Variants in SLC24A2 observed in about 807,000 individuals in gnomAD.
The protein encoded by SLC24A2 is sodium/potassium/calcium exchanger 2.
A neutral mutation model predicts 62.0 loss-of-function variants in SLC24A2; 36 were observed. The observed-to-expected ratio is 0.58, with a 90% CI of 0.44 to 0.77. The LOEUF is 0.77. Among genes scored for constraint, SLC24A2 ranks in the 30% least tolerant of loss-of-function variants. The pLI is 0.00. For missense variants in SLC24A2, 846 were observed against 817.9 expected (o/e 1.03, Z -0.42); for synonymous variants, 358 against 294.0 (o/e 1.22, Z -2.23).
the SLC24A2 span, among the ~76,000 whole-genome samples, chr9:19,889,362 A>G: frequency 3.0e-5 from 4 of 133,496 alleles, no homozygotes; most frequent in Non-Finnish European, 4.8e-5. Context: ...GGTGTTCCAT[A>G]AATTGTAATT....
upstream of SLC24A2, among the ~76,000 whole-genome samples, chr9:19,789,731 C>A (rs1226746416): frequency 1.3e-5 from 2 of 152,108 alleles, no homozygotes; most frequent in East Asian, 3.9e-4. Flanking sequence ...GAATCTGGGC[C>A]AAAGAATGGA....
chr9:19,657,527 T>C (rs1818975820), intron 2 of SLC24A2, among the ~76,000 whole-genome samples: 1 of 152,148 alleles, frequency 6.6e-6, no homozygotes, highest in Non-Finnish European at 1.5e-5. Flanking sequence ...TTTGTCCTAA[T>C]GCGCTCCCTC....
chr9:20,005,908 A>T, the SLC24A2 span, among the ~76,000 whole-genome samples: 2,482 of 151,334 alleles, frequency 0.016, 50 homozygotes, highest in African/African-American at 0.056. Context: ...TATTTGTCAT[A>T]TGAAAATAAC....
At chr9:19,733,568 T>G (rs372870374) in intron 2 of SLC24A2, among the ~76,000 whole-genome samples, 11 of 152,182 alleles carry the variant, frequency 7.2e-5, no homozygotes, top group East Asian at 5.8e-4. Context: ...TGCACAGGTG[T>G]TCAGGAAGCA....
chr9:19,626,112 A>G (rs1818028480), intron 2 of SLC24A2, among the ~76,000 whole-genome samples: 1 of 152,222 alleles, frequency 6.6e-6, no homozygotes, highest in East Asian at 1.9e-4. Context: ...GATGCTATAA[A>G]TCAGTCCCAA....
At chr9:20,048,682 C>G in the SLC24A2 span, among the ~76,000 whole-genome samples, 10 of 151,676 alleles carry the variant, frequency 6.6e-5, no homozygotes, top group African/African-American at 1.9e-4. Flanking sequence ...GGGGAAATAC[C>G]GATTCATTCA....
chr9:20,106,812 C>A, the SLC24A2 span, among the ~76,000 whole-genome samples: 1 of 152,084 alleles, frequency 6.6e-6, no homozygotes, highest in Non-Finnish European at 1.5e-5. Context: ...CCTCTCTCAC[C>A]ACTCCTATTC....
the SLC24A2 span, among the ~76,000 whole-genome samples, chr9:20,070,364 G>A: frequency 6.6e-6 from 1 of 152,190 alleles, no homozygotes; most frequent in Non-Finnish European, 1.5e-5. Context: ...GCTGGCAATT[G>A]TACAAGTATT....
intron 7 of SLC24A2, among the ~76,000 whole-genome samples, chr9:19,555,289 A>T (rs1337486633): frequency 1.3e-5 from 2 of 152,228 alleles, no homozygotes; most frequent in Admixed American, 6.5e-5. Context: ...ACAGCTCTCA[A>T]ATCTCAGCAC....
chr9:20,196,878 T>A, the SLC24A2 span, among the ~76,000 whole-genome samples: 9 of 152,244 alleles, frequency 5.9e-5, no homozygotes, highest in African/African-American at 2.2e-4. Context: ...ATTCTTTCAA[T>A]TCCTTTGTCC....
In SLC24A2 at chr9:19,650,822, A is replaced by AGTGTGTGTGTGT. The variant is rs61576823; in HGVS notation, c.931-28535_931-28524dup. Among the ~76,000 whole-genome samples, 748 of 149,190 alleles carry AGTGTGTGTGTGT rather than the reference A, an allele frequency of 5.0e-3. 2 individuals carry two copies. The highest frequency in any genetic ancestry group is 0.017 in the African/African-American group (686 of 40,472). Reference sequence around the variant, plus strand: ...ACAGGCATTGTAAACATCAGCTTCTAGTGTGTGTGTGTGTGTGTGTGTGTG... The same window carrying AGTGTGTGTGTGT: ...ACAGGCATTGTAAACATCAGCTTCTAGTGTGTGTGTGTGTGTGTGTGTGTGTGTGTGTGTGTG... On this transcript the variant is annotated intron_variant, in intron 2 of 10. Transcript: ENST00000341998.
At chr9:20,205,649 TAAAAAAAA>T in the SLC24A2 span, among the ~76,000 whole-genome samples, 2 of 65,306 alleles carry the variant, frequency 3.1e-5, no homozygotes, top group African/African-American at 1.3e-4. Flanking sequence ...AGACTCCATC[TAAAAAAAA>T]AAAAAAAAAA....
the SLC24A2 span, among the ~76,000 whole-genome samples, chr9:20,051,113 A>G: frequency 2.0e-5 from 3 of 152,162 alleles, no homozygotes; most frequent in Admixed American, 6.5e-5. Context: ...AAAACACAAG[A>G]TTCAACAATA....
At chr9:20,000,925 A>T in the SLC24A2 span, among the ~76,000 whole-genome samples, 1 of 152,144 alleles carries the variant, frequency 6.6e-6, no homozygotes, top group African/African-American at 2.4e-5. Flanking sequence ...ACTTGGAATT[A>T]TTGCTTTTTA....
At chr9:20,132,852 T>C in the SLC24A2 span, among the ~76,000 whole-genome samples, 3 of 152,164 alleles carry the variant, frequency 2.0e-5, no homozygotes, top group Non-Finnish European at 4.4e-5. Flanking sequence ...TACTTTTAGT[T>C]TGTAGTATGT....
the SLC24A2 span, among the ~76,000 whole-genome samples, chr9:19,859,256 AAAT>A: frequency 6.6e-6 from 1 of 152,226 alleles, no homozygotes; most frequent in East Asian, 1.9e-4. Context: ...ACAGAAAAAT[AAAT>A]ACTGAATGTT....
chr9:19,981,820 T>C, the SLC24A2 span, among the ~76,000 whole-genome samples: 1 of 152,160 alleles, frequency 6.6e-6, no homozygotes, highest in Non-Finnish European at 1.5e-5. Flanking sequence ...TTTAAGTCTC[T>C]GCTTGCATGG....
chr9:19,786,699 G>A lies in SLC24A2; in HGVS notation c.168C>T (p.Ile56=), dbSNP rs1467615045. ...GTGTATCTGTCTCAGAAAAGGCACTGATTGAAAATGAGACAGTGCTAATGG... is the reference window on the plus strand; with the variant it reads ...GTGTATCTGTCTCAGAAAAGGCACTAATTGAAAATGAGACAGTGCTAATGG... ...LVAISTVSFS[I]SAFSETDTQS... The change falls in exon 2 of 11, where the codon ATC becomes ATT. Residue 56 remains isoleucine, a synonymous_variant. Transcript: ENST00000341998. This position sits in a 1 kb window ranked among gnomAD's most constrained non-coding sequence, Gnocchi z 5.0. 1.2e-6 allele frequency: 2 copies of A among 1,611,906 alleles called. No individual in the cohort carries two copies. Among genetic ancestry groups the A allele is most frequent in the African/African-American group, 1.3e-5 (1 of 74,808 alleles).
At chr9:20,096,001 C>T in the SLC24A2 span, among the ~76,000 whole-genome samples, 2 of 152,090 alleles carry the variant, frequency 1.3e-5, no homozygotes, top group Non-Finnish European at 2.9e-5. Flanking sequence ...CCTTCCACAA[C>T]ATGTGGAATT....
Sources: allele counts gnomAD v4.1 joint callset (sites outside exome capture counted in the v4.1 genomes callset), GRCh38; gene constraint gnomAD v4.1.1; non-coding constraint Gnocchi (gnomAD v3.1); transcripts MANE v1.5; gene names NCBI Gene and HGNC (gene_info 2026-07-23, HGNC 2026-07-21).